MROH9: variants seen among roughly 807,000 people sequenced by gnomAD.
MROH9 encodes maestro heat like repeat family member 9, also known as maestro heat-like repeat-containing protein family member 9.
Under a neutral mutation model 98.2 loss-of-function variants are expected in MROH9, and 92 were observed. The observed-to-expected ratio is 0.94, with a 90% CI of 0.79 to 1.11. The LOEUF (loss-of-function observed/expected upper bound fraction) is 1.11, where lower values mean the gene tolerates loss of function less well. Among genes scored for constraint, MROH9 ranks in the 50% most tolerant of loss-of-function variants. The pLI is 0.00. For synonymous variants in MROH9, 397 were observed against 368.9 expected, an observed-to-expected ratio of 1.08 and a Z score of -0.87; for missense variants, 1,057 against 1,014.8, an observed-to-expected ratio of 1.04 and a Z score of -0.57.
At chr1:171,049,765 C>T (rs1267144475) in intron 20 of MROH9, among the ~76,000 whole-genome samples, 2 of 151,942 alleles carry the variant, frequency 1.3e-5, no homozygotes, top group African/African-American at 2.4e-5. Flanking sequence ...CACACAGCCT[C>T]GACCTCCCAG....
intron 20 of MROH9, among the ~76,000 whole-genome samples, chr1:171,030,544 C>T (rs925112180): frequency 3.3e-5 from 5 of 152,136 alleles, no homozygotes; most frequent in South Asian, 2.1e-4. Context: ...TCATTGTTTA[C>T]CCAGGAGTCA....
intron 1 of MROH9, among the ~76,000 whole-genome samples, chr1:170,940,025 C>T (rs1649063762): frequency 6.6e-6 from 1 of 152,176 alleles, no homozygotes; most frequent in Admixed American, 6.5e-5. Flanking sequence ...TTTCAGTCTT[C>T]TTCTACTATG....
intron 10 of MROH9, among the ~76,000 whole-genome samples, chr1:170,988,366 T>C (rs1199025300): frequency 6.6e-6 from 1 of 152,114 alleles, no homozygotes; most frequent in Non-Finnish European, 1.5e-5. Flanking sequence ...GATGGGAGCA[T>C]TCTGTAGGGC....
At chr1:171,050,011 T>C (rs1300434140) in intron 20 of MROH9, among the ~76,000 whole-genome samples, 1 of 152,202 alleles carries the variant, frequency 6.6e-6, no homozygotes. Flanking sequence ...TTGTTTGAAT[T>C]TTTTTGTAGA....
intron 15 of MROH9, among the ~76,000 whole-genome samples, chr1:171,008,550 G>A (rs897197032): frequency 6.6e-6 from 1 of 152,098 alleles, no homozygotes; most frequent in Non-Finnish European, 1.5e-5. Context: ...TTTGGAAGAA[G>A]GCTGTAGTTA....
rs925153915 is a variant in MROH9 at position 171,025,402 on chromosome 1, G to T, written c.2263G>T (p.Ala755Ser). Residue 755 changes from alanine to serine, a missense_variant, in exon 20 of 22, where the codon GCA becomes TCA. Physicochemically the swap from Ala to Ser is moderately conservative, Grantham distance 99. Coordinates refer to ENST00000367759, the MANE Select transcript of MROH9 (RefSeq NM_001163629.2). ...GAGCCCCAGAACATATCTTAAGAGGGCATCGGTTATTTTGATAGGTAAATA... is the reference window on the plus strand; with the variant it reads ...GAGCCCCAGAACATATCTTAAGAGGTCATCGGTTATTTTGATAGGTAAATA... ...LWSPRTYLKR[A>S]SVILIGYLAK... 21 of 1,546,292 alleles carry T rather than the reference G, an allele frequency of 1.4e-5. No individual in the cohort carries two copies. In the South Asian group the frequency reaches 2.5e-4, roughly 18 times the overall value.
At position 170,989,981 on chromosome 1, in the gene MROH9, G is replaced by C; in HGVS notation, c.1006G>C (p.Asp336His). Reference sequence around the variant, plus strand: ...CAAGAAGGTCATCTTTCAACTTATGGACTACCCAGTTCCAGCAGACGAGTA... The same window carrying C: ...CAAGAAGGTCATCTTTCAACTTATGCACTACCCAGTTCCAGCAGACGAGTA... ...SPKKVIFQLMDYPVPADDTLI... is the reference protein window; with the variant it reads ...SPKKVIFQLMHYPVPADDTLI... The change falls in exon 11 of 22, where the codon GAC becomes CAC. Residue 336 changes from aspartate (D) to histidine (H), a missense_variant. Transcript: ENST00000367759. 1 of 1,612,094 alleles carries C rather than the reference G, an allele frequency of 6.2e-7. No individual in the cohort carries two copies. Among genetic ancestry groups the C allele is most frequent in the South Asian group, 1.1e-5 (1 of 90,880 alleles).
chr1:171,047,791 G>A (rs1653512148), intron 20 of MROH9, among the ~76,000 whole-genome samples: 1 of 152,126 alleles, frequency 6.6e-6, no homozygotes, highest in African/African-American at 2.4e-5. Context: ...CTTATTTATA[G>A]CTGTCCTTCT....
chr1:171,015,131 GTTGTTTA>G, intron 16 of MROH9: 3 of 458,874 alleles, frequency 6.5e-6, no homozygotes, highest in South Asian at 3.2e-5. Context: ...ATAATAAATC[GTTGTTTA>G]TCTAATGAGC....
intron 16 of MROH9, 46 bp from the exon 17 acceptor site, chr1:171,016,117 C>A: frequency 7.6e-7 from 1 of 1,308,752 alleles, no homozygotes; most frequent in South Asian, 2.1e-5. Flanking sequence ...CAGCTCAAGT[C>A]TCCTGCTAGT....
At chr1:171,014,988 A>T (rs549409537) in intron 16 of MROH9, 1 of 471,850 alleles carries the variant, frequency 2.1e-6, no homozygotes, top group Admixed American at 2.3e-5. Flanking sequence ...ATTGACTCAC[A>T]TGAATACTTC....
intron 3 of MROH9, 89 bp downstream of exon 3, chr1:170,947,662 G>A: frequency 8.2e-7 from 1 of 1,219,062 alleles, no homozygotes; most frequent in Admixed American, 2.0e-5. Flanking sequence ...GATGTTACAA[G>A]TAATGTTTAA....
intron 1 of MROH9, among the ~76,000 whole-genome samples, chr1:170,937,620 C>G (rs1441875220): frequency 6.8e-6 from 1 of 146,408 alleles, no homozygotes; most frequent in East Asian, 2.0e-4. Context: ...CTCCCGGGTT[C>G]ACGCCATTCT....
chr1:170,990,068 A>G, intron 11 of MROH9, 65 bp downstream of exon 11: 1 of 1,485,022 alleles, frequency 6.7e-7, no homozygotes. Flanking sequence ...TGTCAGATGG[A>G]CCTGGGTTCA....
intron 15 of MROH9, among the ~76,000 whole-genome samples, chr1:171,002,182 T>A (rs760963315): frequency 1.3e-5 from 2 of 152,180 alleles, no homozygotes; most frequent in Admixed American, 1.3e-4. Flanking sequence ...GGTTGGTGAG[T>A]TCTTATCCAT....
At position 170,992,047 on chromosome 1, in the gene MROH9, A is replaced by C. The variant is rs959036977; in HGVS notation, c.1029-117A>C. 3 of 1,023,368 alleles carry C rather than the reference A, an allele frequency of 2.9e-6. No individual in the cohort carries two copies. The African/African-American group carries it at 5.0e-5, about 17-fold the overall frequency. 63.4% of individuals were successfully genotyped at this position (1,023,368 alleles called of 1,614,324 possible). ...CTCAGTTTGCTTTGGACATGTCTGCAGTGTCTTTGCTATATAAAAATGTAA... is the reference window on the plus strand; with the variant it reads ...CTCAGTTTGCTTTGGACATGTCTGCCGTGTCTTTGCTATATAAAAATGTAA... On this transcript the variant is annotated intron_variant, in intron 11 of 21. Coordinates refer to ENST00000367759, the MANE Select transcript of MROH9 (RefSeq NM_001163629.2).
At chr1:171,010,627 C>T (rs1438898224) in intron 15 of MROH9, among the ~76,000 whole-genome samples, 1 of 152,180 alleles carries the variant, frequency 6.6e-6, no homozygotes, top group African/African-American at 2.4e-5. Flanking sequence ...GATCGCCATT[C>T]TAACTGGTGT....
chr1:171,041,319 CT>C (rs1437413489), intron 20 of MROH9, among the ~76,000 whole-genome samples: 1 of 133,350 alleles, frequency 7.5e-6, no homozygotes, highest in East Asian at 2.4e-4. Context: ...TTATTCAATT[CT>C]TTTTTATGGC....
intron 12 of MROH9, among the ~76,000 whole-genome samples, chr1:170,994,324 C>T (rs192478599): frequency 2.5e-4 from 38 of 152,262 alleles, no homozygotes; most frequent in Non-Finnish European, 4.4e-4. Flanking sequence ...CTGTTACCCA[C>T]GTGACTGCTG....
Sources: gnomAD v4.1 joint callset for allele counts (sites outside exome capture counted in the v4.1 genomes callset) on GRCh38, gnomAD v4.1.1 for gene constraint, MANE v1.5 for transcripts, NCBI Gene and HGNC (gene_info 2026-07-23, HGNC 2026-07-21) for gene names.